The following EVPLL variants were observed in gnomAD, a reference collection of about 807,000 sequenced individuals.
The protein encoded by EVPLL is envoplakin-like protein.
A neutral mutation model predicts 46.2 loss-of-function variants in EVPLL; 39 were observed. That is an observed-to-expected ratio of 0.84 (90% confidence interval 0.65 to 1.10). The LOEUF (loss-of-function observed/expected upper bound fraction) is 1.10. Ranked by LOEUF, EVPLL falls within the 50% of genes least tolerant of loss-of-function variation. The pLI is 0.00. For missense variants in EVPLL, 385 were observed against 412.6 expected, an observed-to-expected ratio of 0.93 and a Z score of 0.58; for synonymous variants, 156 against 165.8, an observed-to-expected ratio of 0.94 and a Z score of 0.46.
rs966468247 is a variant in EVPLL at position 18,388,469 on chromosome 17, T to C, written c.*40+181T>C. On this transcript the variant is annotated intron_variant, in intron 10 of 10. Coordinates refer to ENST00000399134, the MANE Select transcript of EVPLL (RefSeq NM_001145127.2). ...GGGAGACCCAGCAGAGTGGGGTACC[T>C]GGGTTGACAAACAGCTTCCTGTTCC... 21 of 510,732 alleles carry C rather than the reference T, an allele frequency of 4.1e-5. No individual in the cohort carries two copies. The Admixed American group carries it at 7.2e-4, about 17-fold the overall frequency. 31.6% of individuals were successfully genotyped at this position (510,732 alleles called of 1,614,324 possible).
intron 9 of EVPLL, among the ~76,000 whole-genome samples, chr17:18,387,730 C>G (rs1270782090): frequency 6.6e-6 from 1 of 152,142 alleles, no homozygotes; most frequent in African/African-American, 2.4e-5. Context: ...CATGTGTAAG[C>G]CGAGTGCAGT....
rs375762289 is a variant in EVPLL at position 18,382,622 on chromosome 17, G to A, written c.456G>A (p.Ala152=). The A allele has an allele frequency of 2.0e-5, 31 of 1,551,974 alleles. No individual in the cohort carries two copies. The East Asian group carries it at 6.1e-4, about 31-fold the overall frequency. The change falls in exon 5 of 11, where the codon GCG becomes GCA. Residue 152 remains alanine, a synonymous_variant. Coordinates refer to ENST00000399134, the MANE Select transcript of EVPLL (RefSeq NM_001145127.2). The part of the protein sequence containing the change: ...EGDQRPRRAA[A]EPGGAGCRHH... ...ATCAACGACCAAGGAGAGCAGCTGC[G>A]GAGCCTGGTGGGGCCGGTGGGTGAG...
Position 18,381,094 on chromosome 17 carries a change from G to A in EVPLL, c.63+94G>A. ...TGGCACTCCCTGAGTGCCCCCTGGT[G>A]ATGGTGAAGATGGGACAGATGACAT... On this transcript the variant is annotated intron_variant, in intron 2 of 10. Transcript: ENST00000399134. This position sits in a 1 kb window ranked among gnomAD's most constrained non-coding sequence, Gnocchi z 4.2. 7.0e-7 allele frequency: 1 copy of A among 1,424,478 alleles called. No individual in the cohort carries two copies. 88.2% of individuals were successfully genotyped at this position (1,424,478 alleles called of 1,614,324 possible). A position where few individuals can be genotyped will look rare whatever the true frequency, so the allele number is the denominator to read the frequency against.
Position 18,381,402 on chromosome 17 carries a change from G to C in EVPLL, c.99G>C (p.Gln33His). 1 of 1,596,896 alleles carries C rather than the reference G, an allele frequency of 6.3e-7. No homozygotes were observed. The change falls in exon 3 of 11, where the codon CAG becomes CAC. Residue 33 changes from glutamine to histidine, a missense_variant. Gln to His is a conservative substitution (Grantham distance 24). Transcript: ENST00000399134. The surrounding 1 kb of genome is among the most constrained non-coding windows in gnomAD (Gnocchi z 4.2). ...ACAGTGAGCAGAGCCAGGCCCTGCA[G>C]CACCAGCAGGAGACGGGCAGCAGCC... ...RLNSEQSQALQHQQETGSSLK... is the reference protein window; with the variant it reads ...RLNSEQSQALHHQQETGSSLK...
At chr17:18,386,894 A>ATT (rs60131387) in intron 9 of EVPLL, among the ~76,000 whole-genome samples, 3 of 127,120 alleles carry the variant, frequency 2.4e-5, no homozygotes, top group African/African-American at 6.1e-5. Flanking sequence ...TTTTTGGTTA[A>ATT]TTTTTTTTTT....
chr17:18,382,402 G>A lies in EVPLL; in HGVS notation c.347-111G>A, dbSNP rs185727807. 18 of 1,461,544 alleles carry A rather than the reference G, an allele frequency of 1.2e-5. No homozygotes were observed. In the Admixed American group the frequency reaches 3.1e-4, roughly 26 times the overall value. 90.5% of individuals were successfully genotyped at this position (1,461,544 alleles called of 1,614,324 possible). A position where few individuals can be genotyped will look rare whatever the true frequency, so the allele number is the denominator to read the frequency against. On this transcript the variant is annotated intron_variant, in intron 4 of 10. Transcript: ENST00000399134. ...GTGCACCCGGGCTGCTCTCAGGCTCGTCCACGCTCTGCCCAAATGACCAAG... is the reference window on the plus strand; with the variant it reads ...GTGCACCCGGGCTGCTCTCAGGCTCATCCACGCTCTGCCCAAATGACCAAG...
chr17:18,387,030 GA>G (rs1299952981), intron 9 of EVPLL, among the ~76,000 whole-genome samples: 4 of 151,074 alleles, frequency 2.6e-5, no homozygotes, highest in African/African-American at 9.8e-5. Context: ...AAGTAGCTGG[GA>G]CTACAGGTGC....
In EVPLL at chr17:18,377,918, GA is replaced by G; in HGVS notation, c.-100del. On this transcript the variant is annotated 5_prime_UTR_variant, in exon 1 of 11. It removes the in-frame stop codon of an upstream open reading frame in the 5' UTR. Transcript: ENST00000399134. ...AGGGACTGAGCAAAGGCTCCCAGGG[GA>G]AGGGGTCCCCCAAGGACTCCCCAGC... is the stretch of plus-strand genomic sequence containing the variant. 1 of 1,137,714 alleles carries G rather than the reference GA, an allele frequency of 8.8e-7. No homozygotes were observed. The highest frequency in any genetic ancestry group is 1.2e-6 in the Non-Finnish European group (1 of 822,380). The allele number at this position is 1,137,714 out of a possible 1,614,324, so 70.5% of individuals were successfully genotyped here. A position where few individuals can be genotyped will look rare whatever the true frequency, so the allele number is the denominator to read the frequency against.
rs1354044811 is a variant in EVPLL at position 18,383,332 on chromosome 17, G to C, written c.734G>C (p.Gly245Ala). 1.9e-6 allele frequency: 3 copies of C among 1,604,400 alleles called. No individual in the cohort carries two copies. Among genetic ancestry groups the C allele is most frequent in the Admixed American group, 1.7e-5 (1 of 59,238 alleles). The change falls in exon 8 of 11, where the codon GGC (glycine) becomes GCC (alanine). Residue 245 changes from glycine (G) to alanine (A), a missense_variant. By Grantham distance (60) the Gly-to-Ala change is moderately conservative (BLOSUM62 0). Coordinates refer to ENST00000399134, the MANE Select transcript of EVPLL (RefSeq NM_001145127.2). ...EQSVNQLEED[G>A]KRMVELRHPA... ...AGCGTAAACCAGCTGGAGGAGGACG[G>C]CAAGCGCATGGTGGAGCTGCGGCAC...
intron 5 of EVPLL, 60 bp from the exon 6 acceptor site, chr17:18,382,765 AG>A: frequency 1.3e-6 from 2 of 1,569,662 alleles, no homozygotes; most frequent in Non-Finnish European, 1.7e-6. Flanking sequence ...CCCAGATCTT[AG>A]GGGGCCGTCT....
At chr17:18,378,584 G>A (rs1358620533) in intron 1 of EVPLL, among the ~76,000 whole-genome samples, 2 of 152,156 alleles carry the variant, frequency 1.3e-5, no homozygotes, top group Non-Finnish European at 2.9e-5. Context: ...GCCAATGCGG[G>A]AGGATTCCTT....
At position 18,381,399 on chromosome 17, in the gene EVPLL, G is replaced by A. The variant is rs770135358; in HGVS notation, c.96G>A (p.Leu32=). 6 of 1,594,258 alleles carry A rather than the reference G, an allele frequency of 3.8e-6. No individual in the cohort carries two copies. The highest frequency in any genetic ancestry group is 5.1e-6 in the Non-Finnish European group (6 of 1,171,362). Residue 32 remains leucine (L), a synonymous_variant, in exon 3 of 11, where the codon CTG becomes CTA. Coordinates refer to ENST00000399134, the MANE Select transcript of EVPLL (RefSeq NM_001145127.2). The surrounding 1 kb of genome is among the most constrained non-coding windows in gnomAD (Gnocchi z 4.2). ...DRLNSEQSQA[L]QHQQETGSSL... ...TGAACAGTGAGCAGAGCCAGGCCCT[G>A]CAGCACCAGCAGGAGACGGGCAGCA...
Sources: allele counts gnomAD v4.1 joint callset (sites outside exome capture counted in the v4.1 genomes callset), GRCh38; gene constraint gnomAD v4.1.1; non-coding constraint Gnocchi (gnomAD v3.1); transcripts MANE v1.5; gene names NCBI Gene and HGNC (gene_info 2026-07-23, HGNC 2026-07-21).